The following TSNARE1 variants were observed in gnomAD, a reference collection of about 807,000 sequenced individuals.
TSNARE1 encodes t-SNARE domain-containing protein 1.
Under a neutral mutation model 62.0 loss-of-function variants are expected in TSNARE1, and 49 were observed. The ratio of observed to expected loss-of-function variants is 0.79; its 90% CI spans 0.63 to 1.00. The LOEUF (loss-of-function observed/expected upper bound fraction) is 1.00. TSNARE1 is among the 50% of genes least tolerant of loss of function. The probability of loss-of-function intolerance (pLI) is 0.00; values close to 1 mark genes in which losing one functional copy is unlikely to be tolerated. For missense variants in TSNARE1, 755 were observed against 700.1 expected (o/e 1.08, Z -0.88); for synonymous variants, 328 against 294.4 (o/e 1.11, Z -1.17).
At chr8:142,280,034 C>T (rs948523977) in intron 11 of TSNARE1, 1 of 1,225,968 alleles carries the variant, frequency 8.2e-7, no homozygotes, top group Non-Finnish European at 1.0e-6. Flanking sequence ...TCCCCCAGGT[C>T]GCGGCGGCAG....
intron 12 of TSNARE1, chr8:142,274,342 C>T: frequency 4.1e-6 from 4 of 985,476 alleles, no homozygotes; most frequent in Non-Finnish European, 4.8e-6. Context: ...AGTCCCACTT[C>T]AAGAAAATAA....
intron 1 of TSNARE1, among the ~76,000 whole-genome samples, chr8:142,391,794 G>A (rs1032097898): frequency 7.9e-5 from 12 of 152,212 alleles, no homozygotes; most frequent in African/African-American, 2.4e-4. Context: ...TCACCCACAC[G>A]CCCCTCACTG....
At chr8:142,261,189 A>G in intron 12 of TSNARE1, among the ~76,000 whole-genome samples, 1 of 94,270 alleles carries the variant, frequency 1.1e-5, no homozygotes, top group Non-Finnish European at 2.1e-5. Flanking sequence ...TGTGGGAGGA[A>G]GGAGAGAGGA....
At chr8:142,258,022 TAC>T (rs2130370860) in intron 12 of TSNARE1, among the ~76,000 whole-genome samples, 1 of 152,250 alleles carries the variant, frequency 6.6e-6, no homozygotes, top group African/African-American at 2.4e-5. Context: ...CCTGTGCTTA[TAC>T]ACACATGCAC....
At chr8:142,370,847 A>AC (rs1835867284) in intron 1 of TSNARE1, among the ~76,000 whole-genome samples, 2 of 145,418 alleles carry the variant, frequency 1.4e-5, no homozygotes, top group Admixed American at 1.4e-4. Flanking sequence ...AAAACAAAAA[A>AC]CAAAAAAAAA....
At chr8:142,339,989 C>T (rs1007783964) in intron 4 of TSNARE1, among the ~76,000 whole-genome samples, 2 of 152,252 alleles carry the variant, frequency 1.3e-5, no homozygotes, top group Admixed American at 6.5e-5. Context: ...GCTGATGATG[C>T]AGCCGGAGAG....
chr8:142,254,631 T>C (rs964802754), intron 12 of TSNARE1, among the ~76,000 whole-genome samples: 2 of 152,132 alleles, frequency 1.3e-5, no homozygotes, highest in African/African-American at 4.8e-5. Flanking sequence ...CCCACCATGC[T>C]GGCTGTGGGA....
intron 1 of TSNARE1, among the ~76,000 whole-genome samples, chr8:142,356,687 C>T (rs932559157): frequency 6.6e-6 from 1 of 152,182 alleles, no homozygotes; most frequent in Non-Finnish European, 1.5e-5. Context: ...ATCACAGAGG[C>T]GCTTTACTAC....
chr8:142,227,402 C>T (rs1358929323), intron 13 of TSNARE1, among the ~76,000 whole-genome samples: 1 of 67,630 alleles, frequency 1.5e-5, no homozygotes, highest in Admixed American at 1.3e-4. Flanking sequence ...GCCCCAGTGA[C>T]AGCCAGGAGC....
intron 12 of TSNARE1, among the ~76,000 whole-genome samples, chr8:142,253,623 T>C (rs2130306665): frequency 6.6e-6 from 1 of 152,232 alleles, no homozygotes; most frequent in African/African-American, 2.4e-5. Flanking sequence ...AGCTGGGCTC[T>C]GTGTTTGCCC....
intron 10 of TSNARE1, among the ~76,000 whole-genome samples, chr8:142,292,986 G>A (rs1362366480): frequency 2.0e-5 from 3 of 152,268 alleles, no homozygotes; most frequent in Non-Finnish European, 2.9e-5. Context: ...GGGGGGCCAC[G>A]TGTCAGACCA....
intron 9 of TSNARE1, among the ~76,000 whole-genome samples, chr8:142,313,400 CTGTGTT>C (rs1827952513): frequency 7.2e-6 from 1 of 139,860 alleles, no homozygotes; most frequent in Admixed American, 7.1e-5. Flanking sequence ...GTCTGCGTGT[CTGTGTT>C]TATGTGTCTG....
At chr8:142,244,784 G>T (rs1244052104) in intron 12 of TSNARE1, among the ~76,000 whole-genome samples, 1 of 152,232 alleles carries the variant, frequency 6.6e-6, no homozygotes. Flanking sequence ...AGCCCACAGA[G>T]CGGAAAGGGA....
intron 10 of TSNARE1, among the ~76,000 whole-genome samples, chr8:142,293,329 G>A (rs1824129707): frequency 1.3e-5 from 2 of 152,234 alleles, no homozygotes; most frequent in Non-Finnish European, 2.9e-5. Context: ...GGAGGGGCAG[G>A]TGGAGATCCC....
Position 142,345,830 on chromosome 8 carries a change from T to C in TSNARE1, c.151A>G (p.Lys51Glu). 1 of 1,613,984 alleles carries C rather than the reference T, an allele frequency of 6.2e-7. No homozygotes were observed. The highest frequency in any genetic ancestry group is 8.5e-7 in the Non-Finnish European group (1 of 1,179,928). Reference sequence around the variant, plus strand: ...TTCCCCACACAGCGGTTCTGCAGCTTGCTCTCTGGCGACGGGCAGGGGAAA... The same window carrying C: ...TTCCCCACACAGCGGTTCTGCAGCTCGCTCTCTGGCGACGGGCAGGGGAAA... ...RHFPCPSPES[K>E]LQNRCVGKDG... Residue 51 changes from lysine to glutamate, a missense_variant, in exon 3 of 14, where the codon AAG (lysine) becomes GAG (glutamate). Coordinates refer to ENST00000524325, the MANE Select transcript of TSNARE1 (RefSeq NM_145003.5).
At chr8:142,345,947 G>A (rs983540221) in intron 2 of TSNARE1, 55 bp from the exon 3 acceptor site, 1 of 1,571,458 alleles carries the variant, frequency 6.4e-7, no homozygotes, top group South Asian at 1.2e-5. Context: ...GCTCCTGGCA[G>A]TGCCAGGCCC....
intron 12 of TSNARE1, among the ~76,000 whole-genome samples, chr8:142,260,547 C>T (rs1256297691): frequency 6.6e-6 from 1 of 152,146 alleles, no homozygotes; most frequent in African/African-American, 2.4e-5. Flanking sequence ...AACTCAGAAG[C>T]CCAAACTCTT....
intron 1 of TSNARE1, among the ~76,000 whole-genome samples, chr8:142,377,813 A>G (rs769596008): frequency 6.6e-6 from 1 of 152,274 alleles, no homozygotes; most frequent in Non-Finnish European, 1.5e-5. Flanking sequence ...CACTGGAAAC[A>G]AAAATCAAGT....
intron 12 of TSNARE1, among the ~76,000 whole-genome samples, chr8:142,267,170 C>T (rs58862896): frequency 0.043 from 6,599 of 152,266 alleles, 232 homozygotes; most frequent in African/African-American, 0.092. Flanking sequence ...GGATATTCCT[C>T]CTGGTTTTCC....
Sources: allele counts gnomAD v4.1 joint callset (sites outside exome capture counted in the v4.1 genomes callset), GRCh38; gene constraint gnomAD v4.1.1; transcripts MANE v1.5; gene names NCBI Gene and HGNC (gene_info 2026-07-23, HGNC 2026-07-21).